KIAA0825: variants seen among roughly 807,000 people sequenced by gnomAD.
KIAA0825 encodes KIAA0825.
Under a neutral mutation model 147.6 loss-of-function variants are expected in KIAA0825, and 119 were observed. That is an observed-to-expected ratio of 0.81 (90% confidence interval 0.69 to 0.94). The LOEUF (loss-of-function observed/expected upper bound fraction) is 0.94, where lower values mean the gene tolerates loss of function less well. Ranked by LOEUF, KIAA0825 falls within the 40% of genes least tolerant of loss-of-function variation. The pLI, the probability that KIAA0825 is intolerant of heterozygous loss-of-function variation, is 0.00. For synonymous variants in KIAA0825, 470 were observed against 518.1 expected, an observed-to-expected ratio of 0.91 and a Z score of 1.26; for missense variants, 1,381 against 1,472.7, an observed-to-expected ratio of 0.94 and a Z score of 1.02.
intron 6 of KIAA0825, among the ~76,000 whole-genome samples, chr5:94,479,930 GTTGT>G (rs1244727140): frequency 2.0e-5 from 3 of 152,032 alleles, no homozygotes; most frequent in Non-Finnish European, 4.4e-5. Context: ...TTTAAATTGG[GTTGT>G]TTGTTTTCTT....
chr5:94,547,002 T>C (rs1221897432), intron 2 of KIAA0825, among the ~76,000 whole-genome samples: 1 of 151,784 alleles, frequency 6.6e-6, no homozygotes, highest in Admixed American at 6.6e-5. Flanking sequence ...ATCAGATAAC[T>C]TTAACAAAGA....
At chr5:94,442,047 A>T (rs2150850602) in intron 13 of KIAA0825, among the ~76,000 whole-genome samples, 1 of 152,354 alleles carries the variant, frequency 6.6e-6, no homozygotes, top group East Asian at 1.9e-4. Context: ...TAGTGAACTA[A>T]GCACATTTAA....
intron 20 of KIAA0825, among the ~76,000 whole-genome samples, chr5:94,185,693 G>T (rs1770053971): frequency 6.6e-6 from 1 of 151,982 alleles, no homozygotes. Flanking sequence ...GATAGGTCAG[G>T]ATATATAAAA....
chr5:94,587,859 G>T (rs981497567), intron 1 of KIAA0825, among the ~76,000 whole-genome samples: 2 of 152,092 alleles, frequency 1.3e-5, no homozygotes, highest in Non-Finnish European at 2.9e-5. Context: ...TAGATCAATG[G>T]AATAGAACAG....
intron 2 of KIAA0825, among the ~76,000 whole-genome samples, chr5:94,579,079 A>G (rs1220079123): frequency 6.6e-6 from 1 of 151,952 alleles, no homozygotes; most frequent in Non-Finnish European, 1.5e-5. Flanking sequence ...GTGCCACCAC[A>G]CCCGGCTAAT....
intron 2 of KIAA0825, among the ~76,000 whole-genome samples, chr5:94,552,847 A>AG (rs973473579): frequency 3.3e-5 from 5 of 152,162 alleles, no homozygotes; most frequent in African/African-American, 1.2e-4. Context: ...AGTAGAACAG[A>AG]GGTTAGTAGA....
chr5:94,411,278 A>G (rs1752731429), intron 15 of KIAA0825, among the ~76,000 whole-genome samples: 2 of 152,102 alleles, frequency 1.3e-5, no homozygotes, highest in Non-Finnish European at 2.9e-5. Context: ...GAGGGCCAAA[A>G]TAGAGGGAAA....
At chr5:94,237,067 GTGTGTC>G (rs1488168367) in intron 20 of KIAA0825, among the ~76,000 whole-genome samples, 2 of 151,856 alleles carry the variant, frequency 1.3e-5, no homozygotes, top group Non-Finnish European at 2.9e-5. Context: ...GTGTGTGTGT[GTGTGTC>G]TGTGTCTGTG....
chr5:94,322,813 G>A (rs1780317519), intron 20 of KIAA0825, among the ~76,000 whole-genome samples: 1 of 151,730 alleles, frequency 6.6e-6, no homozygotes, highest in African/African-American at 2.4e-5. Flanking sequence ...TAAATTCTGT[G>A]ATGCTTATCC....
At chr5:94,421,233 G>A (rs1413915586) in intron 14 of KIAA0825, among the ~76,000 whole-genome samples, 1 of 152,188 alleles carries the variant, frequency 6.6e-6, no homozygotes, top group South Asian at 2.1e-4. Flanking sequence ...AAGGATCAAG[G>A]CTATGTTGGA....
intron 3 of KIAA0825, among the ~76,000 whole-genome samples, chr5:94,534,755 C>T (rs1771621614): frequency 6.6e-6 from 1 of 151,968 alleles, no homozygotes. Context: ...AATAAGCAAT[C>T]CAGAACAAAA....
intron 20 of KIAA0825, among the ~76,000 whole-genome samples, chr5:94,382,051 TATAGAG>T (rs1180869219): frequency 6.6e-5 from 10 of 152,316 alleles, no homozygotes; most frequent in Admixed American, 1.3e-4. Context: ...TAGAATGTAG[TATAGAG>T]ATAGACTAAT....
At chr5:94,316,869 C>A (rs751018118) in intron 20 of KIAA0825, among the ~76,000 whole-genome samples, 1 of 151,674 alleles carries the variant, frequency 6.6e-6, no homozygotes, top group Non-Finnish European at 1.5e-5. Flanking sequence ...AAGCTAACCA[C>A]CCTGTATTAA....
At chr5:94,333,240 AT>A (rs1414116020) in intron 20 of KIAA0825, among the ~76,000 whole-genome samples, 1 of 152,018 alleles carries the variant, frequency 6.6e-6, no homozygotes, top group Non-Finnish European at 1.5e-5. Context: ...ATTAGATCCC[AT>A]TTGTCAATTG....
At chr5:94,200,630 A>G (rs1178592661) in intron 20 of KIAA0825, among the ~76,000 whole-genome samples, 2 of 152,060 alleles carry the variant, frequency 1.3e-5, no homozygotes, top group Non-Finnish European at 2.9e-5. Flanking sequence ...CAGTCATCCA[A>G]ATAAAACAGA....
intron 20 of KIAA0825, among the ~76,000 whole-genome samples, chr5:94,197,654 A>G (rs925899812): frequency 1.3e-5 from 2 of 152,102 alleles, no homozygotes; most frequent in Non-Finnish European, 2.9e-5. Flanking sequence ...TTTTGTGCAT[A>G]GGGAAAGGAA....
rs1761219632 is a variant in KIAA0825, at chr5:94,471,563, C to A, written c.1624G>T (p.Ala542Ser). 1 of 1,551,874 alleles carries A rather than the reference C, an allele frequency of 6.4e-7. No homozygotes were observed. The highest frequency in any genetic ancestry group is 8.7e-7 in the Non-Finnish European group (1 of 1,147,022). The change falls in exon 9 of 21, where the codon GCA (alanine) becomes TCA (serine). Residue 542 changes from alanine to serine, a missense_variant. Ala to Ser is a moderately conservative substitution (Grantham distance 99). Transcript: ENST00000682413. ...TATGTGTGCAAGTTTTTCAGGGGTG[C>A]TTTGGAAGGAACCTCCTTGGCTCTC... ...QERAKEVPSK[A>S]PLKNLHTYLS...
At chr5:94,596,210 T>C (rs1239274856) in intron 1 of KIAA0825, among the ~76,000 whole-genome samples, 1 of 152,180 alleles carries the variant, frequency 6.6e-6, no homozygotes, top group Non-Finnish European at 1.5e-5. Flanking sequence ...GATTTTATAG[T>C]TTTGGGTTTT....
At chr5:94,487,655 A>G (rs1763211150) in intron 5 of KIAA0825, among the ~76,000 whole-genome samples, 1 of 152,130 alleles carries the variant, frequency 6.6e-6, no homozygotes, top group African/African-American at 2.4e-5. Context: ...TCCTTGGCTA[A>G]ATTAATCTCC....
Sources: allele counts gnomAD v4.1 joint callset (sites outside exome capture counted in the v4.1 genomes callset), GRCh38; gene constraint gnomAD v4.1.1; transcripts MANE v1.5; gene names NCBI Gene and HGNC (gene_info 2026-07-23, HGNC 2026-07-21).